The following IL1RAP variants were observed in gnomAD, a reference collection of about 807,000 sequenced individuals.
IL1RAP encodes interleukin-1 receptor accessory protein.
IL1RAP carries 35 observed loss-of-function variants against 60.7 expected under a neutral mutation model. The ratio of observed to expected loss-of-function variants is 0.58; its 90% CI spans 0.44 to 0.76. The LOEUF (loss-of-function observed/expected upper bound fraction) is 0.76, where lower values mean the gene tolerates loss of function less well. Ranked by LOEUF, IL1RAP falls within the 30% of genes least tolerant of loss-of-function variation. IL1RAP has a pLI of 0.00. For synonymous variants in IL1RAP, 268 were observed against 250.9 expected, an observed-to-expected ratio of 1.07 and a Z score of -0.64; for missense variants, 572 against 693.9, an observed-to-expected ratio of 0.82 and a Z score of 1.97.
At chr3:190,620,205 G>A (rs931739171) in intron 5 of IL1RAP, 70 bp from the exon 6 acceptor site, 6 of 784,974 alleles carry the variant, frequency 7.6e-6, no homozygotes, top group Admixed American at 2.8e-5. Flanking sequence ...AGATGTGAGT[G>A]TGCGTGTGTT....
At chr3:190,542,877 GA>G (rs1431307482) in intron 1 of IL1RAP, among the ~76,000 whole-genome samples, 6 of 133,164 alleles carry the variant, frequency 4.5e-5, no homozygotes, top group African/African-American at 6.0e-5. Context: ...AAGATTAAGG[GA>G]ATTTTTTTTT....
At chr3:190,645,096 A>G (rs919791221) in intron 10 of IL1RAP, among the ~76,000 whole-genome samples, 1 of 152,198 alleles carries the variant, frequency 6.6e-6, no homozygotes. Flanking sequence ...CTCTAGTGCA[A>G]ATTTGCTTAG....
intron 3 of IL1RAP, among the ~76,000 whole-genome samples, chr3:190,573,949 C>T (rs973742587): frequency 2.6e-5 from 4 of 152,188 alleles, no homozygotes; most frequent in Admixed American, 2.0e-4. Flanking sequence ...TTTCTTCCAT[C>T]GTTACAAGTG....
At chr3:190,556,386 ATATG>A (rs912930379) in intron 2 of IL1RAP, among the ~76,000 whole-genome samples, 170 bp downstream of exon 2, 1 of 152,104 alleles carries the variant, frequency 6.6e-6, no homozygotes, top group Non-Finnish European at 1.5e-5. Flanking sequence ...TTATATATAT[ATATG>A]TATGTATACA....
intron 3 of IL1RAP, among the ~76,000 whole-genome samples, chr3:190,598,858 G>A (rs1404150400): frequency 2.0e-5 from 3 of 151,980 alleles, no homozygotes; most frequent in Non-Finnish European, 4.4e-5. Context: ...ATATTTGGTC[G>A]AGTCAATAAT....
chr3:190,649,413 C>A lies in IL1RAP; in HGVS notation c.*708C>A. On this transcript the variant is annotated 3_prime_UTR_variant, in exon 12 of 12. Coordinates refer to ENST00000447382, the MANE Select transcript of IL1RAP (RefSeq NM_002182.4). ...CAATTCCTGATTATCCACAGGTCAA[C>A]CCACATTTTTTCATTCCTTCTCCCT... 1.0e-6 allele frequency: 1 copy of A among 985,658 alleles called. No homozygotes were observed. Among genetic ancestry groups the A allele is most frequent in the Non-Finnish European group, 1.2e-6 (1 of 829,816 alleles). 61.1% of individuals were successfully genotyped at this position (985,658 alleles called of 1,614,324 possible). A position where few individuals can be genotyped will look rare whatever the true frequency, so the allele number is the denominator to read the frequency against.
At chr3:190,634,754 C>T (rs1166463218) in intron 9 of IL1RAP, among the ~76,000 whole-genome samples, 56 of 129,012 alleles carry the variant, frequency 4.3e-4, no homozygotes, top group African/African-American at 1.6e-3. Context: ...CTCGCTCTTT[C>T]GCCCAGGCTG....
At chr3:190,652,457 GAAAA>G (rs10631058), downstream of IL1RAP, among the ~76,000 whole-genome samples, 1 of 135,508 alleles carries the variant, frequency 7.4e-6, no homozygotes, top group Non-Finnish European at 1.6e-5. Context: ...CGAGACTTCA[GAAAA>G]AAAAAAAAAA....
rs1577701664 is a variant in IL1RAP, at chr3:190,602,474, C to G, written c.65-1654C>G. 5.9e-5 allele frequency among the ~76,000 whole-genome samples: 9 copies of G among 151,802 alleles called. No homozygotes were observed. The South Asian group carries it at 1.9e-3, about 32-fold the overall frequency. On this transcript the variant is annotated intron_variant, in intron 3 of 11. Coordinates refer to ENST00000447382, the MANE Select transcript of IL1RAP (RefSeq NM_002182.4). ...AACACTTAGCACTTTACATATTACA[C>G]AAAAGAATAAAATGATGAAAAATAA... is the stretch of plus-strand genomic sequence containing the variant.
chr3:190,516,717 C>T (rs1356372565), intron 1 of IL1RAP, among the ~76,000 whole-genome samples: 1 of 134,758 alleles, frequency 7.4e-6, no homozygotes, highest in Non-Finnish European at 1.5e-5. Context: ...CTGTTTTATC[C>T]AGTTCTAAAA....
intron 1 of IL1RAP, among the ~76,000 whole-genome samples, chr3:190,554,015 C>A (rs1725152344): frequency 7.2e-6 from 1 of 138,566 alleles, no homozygotes; most frequent in Non-Finnish European, 1.5e-5. Flanking sequence ...GAGCCGAGAT[C>A]CCGCCACTGC....
chr3:190,516,696 A>T (rs1307690534), intron 1 of IL1RAP, among the ~76,000 whole-genome samples: 1 of 151,586 alleles, frequency 6.6e-6, no homozygotes, highest in African/African-American at 2.4e-5. Flanking sequence ...TTATTTAATC[A>T]TTTGAAGTTT....
rs770361063 is a variant in IL1RAP, at chr3:190,627,419, A to G, written c.872A>G (p.Asp291Gly). Residue 291 changes from aspartate (D) to glycine (G), a missense_variant, in exon 8 of 12, where the codon GAC becomes GGC. Coordinates refer to ENST00000447382, the MANE Select transcript of IL1RAP (RefSeq NM_002182.4). ...ACCATTGATGGAAAAAAACCTGATGACATCACTATTGATGTCACCATTAAC... is the reference window on the plus strand; with the variant it reads ...ACCATTGATGGAAAAAAACCTGATGGCATCACTATTGATGTCACCATTAAC... ...WWTIDGKKPD[D>G]ITIDVTINES... 13 of 1,612,496 alleles carry G rather than the reference A, an allele frequency of 8.1e-6. No individual in the cohort carries two copies. The highest frequency in any genetic ancestry group is 1.0e-5 in the Non-Finnish European group (12 of 1,179,274).
At chr3:190,554,761 GTGT>G (rs1339116306) in intron 1 of IL1RAP, 1 of 149,168 alleles carries the variant, frequency 6.7e-6, no homozygotes, top group Admixed American at 6.7e-5. Context: ...GTGTGTGTGT[GTGT>G]CTCTAACTTT....
In IL1RAP at chr3:190,651,249, A is replaced by G. The variant is rs1734380652; in HGVS notation, c.*2544A>G. 2.1e-6 allele frequency: 2 copies of G among 973,226 alleles called. No individual in the cohort carries two copies. Among genetic ancestry groups the G allele is most frequent in the Non-Finnish European group, 2.4e-6 (2 of 818,872 alleles). The allele number at this position is 973,226 out of a possible 1,614,324, so 60.3% of individuals were successfully genotyped here. ...GTTAACAAAGAACTGTGATATATAGAGTGTCTAATTACAAAATCATATACG... is the reference window on the plus strand; with the variant it reads ...GTTAACAAAGAACTGTGATATATAGGGTGTCTAATTACAAAATCATATACG... On this transcript the variant is annotated 3_prime_UTR_variant, in exon 12 of 12. Transcript: ENST00000447382.
intron 1 of IL1RAP, among the ~76,000 whole-genome samples, chr3:190,531,648 T>C (rs530810982): frequency 1.3e-5 from 2 of 152,222 alleles, no homozygotes; most frequent in East Asian, 1.9e-4. Flanking sequence ...TCTTGACTTA[T>C]GTAAAACACA....
chr3:190,514,434 A>C (rs1021575323), intron 1 of IL1RAP, among the ~76,000 whole-genome samples: 1 of 152,164 alleles, frequency 6.6e-6, no homozygotes, highest in African/African-American at 2.4e-5. Flanking sequence ...TTTGCTTTGC[A>C]GGGATTTAAG....
chr3:190,522,302 CT>C, intron 1 of IL1RAP, among the ~76,000 whole-genome samples: 1 of 97,850 alleles, frequency 1.0e-5, no homozygotes, highest in African/African-American at 8.8e-5. Context: ...TCCTTCCTTC[CT>C]TCCTTCCTTC....
intron 3 of IL1RAP, among the ~76,000 whole-genome samples, chr3:190,576,543 A>AT (rs369631404): frequency 1.3e-5 from 2 of 151,862 alleles, no homozygotes; most frequent in East Asian, 1.9e-4. Flanking sequence ...ATGCGATGCC[A>AT]TTTTTTTTCA....
Sources: allele counts gnomAD v4.1 joint callset (sites outside exome capture counted in the v4.1 genomes callset), GRCh38; gene constraint gnomAD v4.1.1; transcripts MANE v1.5; gene names NCBI Gene and HGNC (gene_info 2026-07-23, HGNC 2026-07-21).